Variants in PTH2 observed in about 807,000 individuals in gnomAD.
PTH2 encodes the protein parathyroid hormone 2, also known as tuberoinfundibular 39 residue protein.
In PTH2, 5 loss-of-function variants were observed where a neutral mutation model predicts 6.2. The observed-to-expected ratio is 0.80, with a 90% CI of 0.42 to 1.69. The LOEUF (loss-of-function observed/expected upper bound fraction) is 1.69, where lower values mean the gene tolerates loss of function less well. Among genes scored for constraint, PTH2 ranks in the 40% most tolerant of loss-of-function variants. PTH2 has a pLI of 0.02. For missense variants in PTH2, 156 were observed against 142.5 expected (o/e 1.09, Z -0.48); for synonymous variants, 67 against 73.6 (o/e 0.91, Z 0.46).
At position 49,422,611 on chromosome 19, in the gene PTH2, G is replaced by A; in HGVS notation, c.160C>T (p.Pro54Ser). Reference sequence around the variant, plus strand: ...CTCCTCCGCGGCCTGGGGGTGGCGGGATCCGCCCAGGCCCGTCCTGGGGGG... The same window carrying A: ...CTCCTCCGCGGCCTGGGGGTGGCGGAATCCGCCCAGGCCCGTCCTGGGGGG... ...LRPPGRAWAD[P>S]ATPRPRRSLA... Residue 54 changes from proline to serine, a missense_variant, in exon 2 of 2, where the codon CCC (proline) becomes TCC (serine). Coordinates refer to ENST00000270631, the MANE Select transcript of PTH2 (RefSeq NM_178449.4). The A allele has an allele frequency of 6.8e-7, 1 of 1,478,466 alleles. No homozygotes were observed. Among genetic ancestry groups the A allele is most frequent in the Non-Finnish European group, 8.9e-7 (1 of 1,120,890 alleles). 91.6% of individuals were successfully genotyped at this position (1,478,466 alleles called of 1,614,324 possible). A position where few individuals can be genotyped will look rare whatever the true frequency, so the allele number is the denominator to read the frequency against.
At position 49,423,400 on chromosome 19, in the gene PTH2, C is replaced by T; in HGVS notation, c.-61G>A. The T allele has an allele frequency of 6.6e-7, 1 of 1,525,194 alleles. No homozygotes were observed. Among genetic ancestry groups the T allele is most frequent in the South Asian group, 1.2e-5 (1 of 82,896 alleles). 94.5% of individuals were successfully genotyped at this position (1,525,194 alleles called of 1,614,324 possible). A position where few individuals can be genotyped will look rare whatever the true frequency, so the allele number is the denominator to read the frequency against. Reference sequence around the variant, plus strand: ...TGCATCCCGGCCCAGAACCCCGGGCCCCACCATGCATCCACCCCCAGCTTC... The same window carrying T: ...TGCATCCCGGCCCAGAACCCCGGGCTCCACCATGCATCCACCCCCAGCTTC... On this transcript the variant is annotated 5_prime_UTR_variant, in exon 1 of 2. Coordinates refer to ENST00000270631, the MANE Select transcript of PTH2 (RefSeq NM_178449.4).
In PTH2 at chr19:49,423,238, G is replaced by A; in HGVS notation, c.102C>T (p.Val34=). 5 of 1,613,748 alleles carry A rather than the reference G, an allele frequency of 3.1e-6. No homozygotes were observed. Among genetic ancestry groups the A allele is most frequent in the Non-Finnish European group, 4.2e-6 (5 of 1,179,830 alleles). ...TGAGGACCCCGACCGGGGGCAGGGC[G>A]ACTCCCGAGGCAGTGCGGACGCCCC... ...VPWGVRTASG[V]ALPPVGVLSL... The change falls in exon 1 of 2, where the codon GTC becomes GTT. Residue 34 remains valine, a synonymous_variant. Coordinates refer to ENST00000270631, the MANE Select transcript of PTH2 (RefSeq NM_178449.4).
chr19:49,423,220 C>A lies in PTH2; in HGVS notation c.120G>T (p.Gly40=). 2 of 1,613,534 alleles carry A rather than the reference C, an allele frequency of 1.2e-6. No homozygotes were observed. The highest frequency in any genetic ancestry group is 1.7e-6 in the Non-Finnish European group (2 of 1,179,660). The change falls in exon 1 of 2, where the codon GGG becomes GGT. Residue 40 remains glycine (G), a synonymous_variant. Coordinates refer to ENST00000270631, the MANE Select transcript of PTH2 (RefSeq NM_178449.4). ...TASGVALPPV[G]VLSLRPPGRA... ...CTGGGACTGGCACCTACCTGAGGAC[C>A]CCGACCGGGGGCAGGGCGACTCCCG...
chr19:49,422,993 C>T (rs184882930), intron 1 of PTH2, among the ~76,000 whole-genome samples: 323 of 152,246 alleles, frequency 2.1e-3, no homozygotes, highest in African/African-American at 7.3e-3. Flanking sequence ...GTGTCTCTTT[C>T]CCTTGCTGAT....
In PTH2 at chr19:49,423,317, C is replaced by T. The variant is rs140888021; in HGVS notation, c.23G>A (p.Arg8Lys). Residue 8 changes from arginine to lysine, a missense_variant, in exon 1 of 2, where the codon AGG becomes AAG. Physicochemically the swap from Arg to Lys is conservative, Grantham distance 26 (BLOSUM62 2). Transcript: ENST00000270631. METRQVSRSPRVRLLLLL... is the reference protein window; with the variant it reads METRQVSKSPRVRLLLLL... Reference sequence around the variant, plus strand: ...CAGCAGCAGCCGAACCCGAGGGCTCCTGGACACCTGGCGGGTCTCCATCAC... The same window carrying T: ...CAGCAGCAGCCGAACCCGAGGGCTCTTGGACACCTGGCGGGTCTCCATCAC... 1,412 of 1,604,714 alleles carry T rather than the reference C, an allele frequency of 8.8e-4. 10 individuals are homozygous for T. The African/African-American group carries it at 0.017, about 19-fold the overall frequency.
chr19:49,423,059 C>T (rs770155997), intron 1 of PTH2, among the ~76,000 whole-genome samples, 153 bp downstream of exon 1: 34 of 152,290 alleles, frequency 2.2e-4, no homozygotes, highest in Middle Eastern at 3.4e-3. Context: ...CGCCTTCCCC[C>T]ACCCCTAGTC....
At chr19:49,422,722 C>T (rs1975030689) in intron 1 of PTH2, 80 bp from the exon 2 acceptor site, 1 of 1,264,500 alleles carries the variant, frequency 7.9e-7, no homozygotes. Context: ...CTCGAAGCCC[C>T]GTTACTGCCC....
intron 1 of PTH2, 115 bp downstream of exon 1, chr19:49,423,097 C>T (rs1489805744): frequency 7.3e-7 from 1 of 1,368,392 alleles, no homozygotes; most frequent in South Asian, 1.4e-5. Context: ...TCTCGGTCGC[C>T]CTCTCTTTGG....
Position 49,422,647 on chromosome 19 carries a change from G to A in PTH2, c.129-5C>T. On this transcript the variant is annotated splice_region_variant and splice_polypyrimidine_tract_variant and intron_variant, in intron 1 of 1. Transcript: ENST00000270631. ...GCCCGTCCTGGGGGGCGGAGGCTGT[G>A]GAGAGACGCGGTGACCGCGCGTCCA... 3 of 1,402,292 alleles carry A rather than the reference G, an allele frequency of 2.1e-6. No individual in the cohort carries two copies. Among genetic ancestry groups the A allele is most frequent in the Non-Finnish European group, 1.8e-6 (2 of 1,082,018 alleles). The allele number at this position is 1,402,292 out of a possible 1,614,324, so 86.9% of individuals were successfully genotyped here.
chr19:49,423,025 A>G (rs1975034142), intron 1 of PTH2, among the ~76,000 whole-genome samples, 187 bp downstream of exon 1: 1 of 150,796 alleles, frequency 6.6e-6, no homozygotes, highest in Non-Finnish European at 1.5e-5. Flanking sequence ...TTCCCGCACC[A>G]CCACTACCAC....
chr19:49,422,965 C>T (rs1975033434), intron 1 of PTH2, among the ~76,000 whole-genome samples: 1 of 152,154 alleles, frequency 6.6e-6, no homozygotes, highest in Non-Finnish European at 1.5e-5. Flanking sequence ...CCACGCCTTT[C>T]TCGGGATCTA....
In PTH2 at chr19:49,422,452, G is replaced by A. The variant is rs1489314187; in HGVS notation, c.*16C>T. ...GCAGGGCATGGTCTTTATTAAGATGGGGACGGGCAGCGCGCTCAGGGCGCA... is the reference window on the plus strand; with the variant it reads ...GCAGGGCATGGTCTTTATTAAGATGAGGACGGGCAGCGCGCTCAGGGCGCA... On this transcript the variant is annotated 3_prime_UTR_variant, in exon 2 of 2. Coordinates refer to ENST00000270631, the MANE Select transcript of PTH2 (RefSeq NM_178449.4). 4 of 1,587,178 alleles carry A rather than the reference G, an allele frequency of 2.5e-6. No individual in the cohort carries two copies. In the Admixed American group the frequency reaches 7.1e-5, roughly 28 times the overall value.
chr19:49,423,122 T>C, intron 1 of PTH2, 90 bp downstream of exon 1: 1 of 1,511,350 alleles, frequency 6.6e-7, no homozygotes, highest in Non-Finnish European at 9.0e-7. Flanking sequence ...CTGTTCCGCT[T>C]TCTGGATCTT....
In PTH2 at chr19:49,422,607, G is replaced by A; in HGVS notation, c.164C>T (p.Ala55Val). The part of the protein sequence containing the change: ...RPPGRAWADP[A>V]TPRPRRSLAL... ...CAGGCTCCTCCGCGGCCTGGGGGTG[G>A]CGGGATCCGCCCAGGCCCGTCCTGG... The change falls in exon 2 of 2, where the codon GCC (alanine) becomes GTC (valine). Residue 55 changes from alanine (A) to valine (V), a missense_variant. Physicochemically the swap from Ala to Val is moderately conservative, Grantham distance 64. Transcript: ENST00000270631. 6.7e-7 allele frequency: 1 copy of A among 1,486,358 alleles called. No individual in the cohort carries two copies. The highest frequency in any genetic ancestry group is 8.9e-7 in the Non-Finnish European group (1 of 1,124,504). The allele number at this position is 1,486,358 out of a possible 1,614,324, so 92.1% of individuals were successfully genotyped here.
Position 49,423,283 on chromosome 19 carries a change from C to A in PTH2, c.57G>T (p.Leu19=), listed in dbSNP as rs1287582152. Residue 19 remains leucine, a synonymous_variant, in exon 1 of 2, where the codon CTG becomes CTT. Coordinates refer to ENST00000270631, the MANE Select transcript of PTH2 (RefSeq NM_178449.4). The part of the protein sequence containing the change: ...SPRVRLLLLL[L]LLLVVPWGVR... ...CGCCCCAGGGCACCACCAGCAGCAGCAGCAGCAGCAGCAGCAGCCGAACCC... is the reference window on the plus strand; with the variant it reads ...CGCCCCAGGGCACCACCAGCAGCAGAAGCAGCAGCAGCAGCAGCCGAACCC... 3.1e-6 allele frequency: 5 copies of A among 1,608,810 alleles called. No individual in the cohort carries two copies. In the South Asian group the frequency reaches 3.3e-5, roughly 11 times the overall value.
At chr19:49,422,971 A>G (rs541103784) in intron 1 of PTH2, among the ~76,000 whole-genome samples, 58 of 151,602 alleles carry the variant, frequency 3.8e-4, no homozygotes, top group South Asian at 2.1e-3. Context: ...CTTTCTCGGG[A>G]TCTATCTTTC....
chr19:49,423,216 G>A lies in PTH2; in HGVS notation c.124C>T (p.Leu42Phe), dbSNP rs938922370. The A allele has an allele frequency of 6.2e-7, 1 of 1,613,332 alleles. No individual in the cohort carries two copies. Among genetic ancestry groups the A allele is most frequent in the African/African-American group, 1.3e-5 (1 of 74,968 alleles). Residue 42 changes from leucine to phenylalanine, a missense_variant, in exon 1 of 2, where the codon CTC becomes TTC. Physicochemically the swap from Leu to Phe is conservative, Grantham distance 22. Coordinates refer to ENST00000270631, the MANE Select transcript of PTH2 (RefSeq NM_178449.4). ...AGTTCTGGGACTGGCACCTACCTGA[G>A]GACCCCGACCGGGGGCAGGGCGACT... ...SGVALPPVGV[L>F]SLRPPGRAWA...
chr19:49,422,619 C>T lies in PTH2; in HGVS notation c.152G>A (p.Trp51Ter), dbSNP rs776001931. Residue 51 changes from tryptophan to a stop codon, truncating the protein, a stop_gained, in exon 2 of 2, where the codon TGG becomes TAG. Coordinates refer to ENST00000270631, the MANE Select transcript of PTH2 (RefSeq NM_178449.4). LOFTEE classifies it high-confidence loss of function. The part of the protein sequence containing the change: ...VLSLRPPGRA[W>*]ADPATPRPRR... ...CGGCCTGGGGGTGGCGGGATCCGCC[C>T]AGGCCCGTCCTGGGGGGCGGAGGCT... is the stretch of plus-strand genomic sequence containing the variant. 11 of 1,442,352 alleles carry T rather than the reference C, an allele frequency of 7.6e-6. No homozygotes were observed. The African/African-American group carries it at 1.2e-4, about 16-fold the overall frequency. The allele number at this position is 1,442,352 out of a possible 1,614,324, so 89.3% of individuals were successfully genotyped here. A position where few individuals can be genotyped will look rare whatever the true frequency, so the allele number is the denominator to read the frequency against.
chr19:49,422,763 C>G, intron 1 of PTH2, 121 bp from the exon 2 acceptor site: 1 of 913,728 alleles, frequency 1.1e-6, no homozygotes, highest in Non-Finnish European at 1.5e-6. Flanking sequence ...CCGGCTCCCC[C>G]TGTCTCTCTC....
Sources: allele counts gnomAD v4.1 joint callset (sites outside exome capture counted in the v4.1 genomes callset), GRCh38; gene constraint gnomAD v4.1.1; transcripts MANE v1.5; gene names NCBI Gene and HGNC (gene_info 2026-07-23, HGNC 2026-07-21).